HPSE2: variants seen among roughly 807,000 people sequenced by gnomAD.
The protein encoded by HPSE2 is inactive heparanase-2.
In HPSE2, 38 loss-of-function variants were observed where a neutral mutation model predicts 60.5. The ratio of observed to expected loss-of-function variants is 0.63; its 90% CI spans 0.48 to 0.82. HPSE2 has a LOEUF of 0.82. HPSE2 is among the 40% of genes least tolerant of loss of function. HPSE2 has a pLI of 0.00. For missense variants in HPSE2, 713 were observed against 740.4 expected, an observed-to-expected ratio of 0.96 and a Z score of 0.43; for synonymous variants, 295 against 293.2, an observed-to-expected ratio of 1.01 and a Z score of -0.06.
intron 3 of HPSE2, among the ~76,000 whole-genome samples, chr10:98,972,438 T>C (rs138826760): frequency 6.6e-6 from 1 of 152,302 alleles, no homozygotes; most frequent in Non-Finnish European, 1.5e-5. Flanking sequence ...GGTTGAAATT[T>C]TGTTGAGAAG....
the HPSE2 span, among the ~76,000 whole-genome samples, chr10:99,287,259 G>A: frequency 6.6e-6 from 1 of 152,054 alleles, no homozygotes; most frequent in Admixed American, 6.6e-5. Flanking sequence ...GAGAGAAGCA[G>A]CAGGAATAAA....
chr10:98,950,102 G>A (rs1040279902), intron 3 of HPSE2, among the ~76,000 whole-genome samples: 12 of 151,998 alleles, frequency 7.9e-5, no homozygotes, highest in Non-Finnish European at 1.6e-4. Flanking sequence ...AGTCTCTCAC[G>A]TTGAGCTTCT....
the HPSE2 span, among the ~76,000 whole-genome samples, chr10:99,241,504 C>T: frequency 6.6e-6 from 1 of 152,186 alleles, no homozygotes. Context: ...TCATGCTAAT[C>T]CCAGCACTTT....
intron 3 of HPSE2, among the ~76,000 whole-genome samples, chr10:99,106,582 CTTTG>C (rs1308893553): frequency 2.0e-5 from 3 of 151,238 alleles, no homozygotes; most frequent in Admixed American, 6.6e-5. Context: ...GTTGAATTGA[CTTTG>C]TTAGTAAGTT....
intron 3 of HPSE2, among the ~76,000 whole-genome samples, chr10:98,952,203 C>T (rs1955377182): frequency 6.6e-6 from 1 of 152,120 alleles, no homozygotes. Flanking sequence ...AAGTGAGGTG[C>T]TAAGCAGGTC....
chr10:98,483,194 G>GACAAATA (rs1373179356), intron 10 of HPSE2, among the ~76,000 whole-genome samples: 32 of 152,028 alleles, frequency 2.1e-4, no homozygotes, highest in African/African-American at 7.2e-4. Flanking sequence ...GTATTTTTTA[G>GACAAATA]TTTATTAATT....
the HPSE2 span, among the ~76,000 whole-genome samples, chr10:99,300,705 A>G: frequency 6.6e-6 from 1 of 152,186 alleles, no homozygotes; most frequent in Non-Finnish European, 1.5e-5. Flanking sequence ...TAACACAGAT[A>G]AGAAGACCTC....
chr10:98,904,144 G>A (rs2134991484), intron 3 of HPSE2, among the ~76,000 whole-genome samples: 1 of 152,206 alleles, frequency 6.6e-6, no homozygotes, highest in East Asian at 1.9e-4. Context: ...AATAATCATT[G>A]ATTTGTTAAC....
chr10:98,788,765 C>T lies in HPSE2; in HGVS notation c.611-44709G>A, dbSNP rs550963167. ...GGAAAGGGAACTCCCTGACCCCTTGCGCTTCCCAGGTGAGGCAATGCCTCG... is the reference window on the plus strand; with the variant it reads ...GGAAAGGGAACTCCCTGACCCCTTGTGCTTCCCAGGTGAGGCAATGCCTCG... On this transcript the variant is annotated intron_variant, in intron 3 of 11. Coordinates refer to ENST00000370552, the MANE Select transcript of HPSE2 (RefSeq NM_021828.5). 5.0e-4 allele frequency among the ~76,000 whole-genome samples: 76 copies of T among 151,616 alleles called. 1 individual carries two copies. The highest frequency in any genetic ancestry group is 9.0e-4 in the Non-Finnish European group (61 of 67,896).
chr10:99,245,216 C>T, the HPSE2 span, among the ~76,000 whole-genome samples: 1 of 152,160 alleles, frequency 6.6e-6, no homozygotes, highest in Non-Finnish European at 1.5e-5. Context: ...ATTCTCACCC[C>T]TGGCTGCACA....
chr10:98,917,801 T>C (rs976842215), intron 3 of HPSE2, among the ~76,000 whole-genome samples: 10 of 152,206 alleles, frequency 6.6e-5, no homozygotes, highest in African/African-American at 2.4e-4. Context: ...CAGGAGAAAC[T>C]GGTAGGCATC....
At chr10:98,986,728 A>G (rs1404449041) in intron 3 of HPSE2, among the ~76,000 whole-genome samples, 1 of 151,456 alleles carries the variant, frequency 6.6e-6, no homozygotes, top group Admixed American at 6.6e-5. Flanking sequence ...AAGATCAACA[A>G]AATTGATAGA....
At chr10:98,514,956 T>C (rs980002573) in intron 9 of HPSE2, among the ~76,000 whole-genome samples, 3 of 151,902 alleles carry the variant, frequency 2.0e-5, no homozygotes, top group African/African-American at 7.3e-5. Context: ...GCTCCTGACC[T>C]CAGGCAATCC....
intron 3 of HPSE2, among the ~76,000 whole-genome samples, chr10:98,850,304 T>C (rs372598086): frequency 1.3e-5 from 2 of 152,086 alleles, no homozygotes; most frequent in African/African-American, 2.4e-5. Flanking sequence ...TCTTACATAA[T>C]TGAGAAGTAT....
chr10:98,511,753 C>T (rs1337742158), intron 9 of HPSE2, among the ~76,000 whole-genome samples: 2 of 152,096 alleles, frequency 1.3e-5, no homozygotes, highest in Non-Finnish European at 2.9e-5. Flanking sequence ...AATTAAGATT[C>T]ACCTCCTGAA....
chr10:99,215,328 T>A (rs1388648410), intron 2 of HPSE2, among the ~76,000 whole-genome samples: 4 of 152,218 alleles, frequency 2.6e-5, no homozygotes, highest in African/African-American at 9.6e-5. Context: ...TGGATGAAGC[T>A]GTAAGCCATC....
chr10:98,754,579 T>A (rs1418241611), intron 3 of HPSE2, among the ~76,000 whole-genome samples: 2 of 150,730 alleles, frequency 1.3e-5, no homozygotes, highest in African/African-American at 2.4e-5. Flanking sequence ...AAGGTTGATG[T>A]GAAAAAAAAT....
chr10:98,675,539 TACACACACACACACACACACAC>T (rs774393556), intron 6 of HPSE2, among the ~76,000 whole-genome samples: 3 of 121,594 alleles, frequency 2.5e-5, no homozygotes, highest in South Asian at 5.9e-4. Flanking sequence ...GATCCCTGTC[TACACACACACACACACACACAC>T]ACACACACAC....
chr10:99,165,709 G>A (rs1004325499), intron 2 of HPSE2, among the ~76,000 whole-genome samples: 9 of 151,684 alleles, frequency 5.9e-5, no homozygotes, highest in South Asian at 2.1e-4. Flanking sequence ...ACCATGCCCC[G>A]CTAATTTTTG....
Sources: allele counts gnomAD v4.1 joint callset (sites outside exome capture counted in the v4.1 genomes callset), GRCh38; gene constraint gnomAD v4.1.1; transcripts MANE v1.5; gene names NCBI Gene and HGNC (gene_info 2026-07-23, HGNC 2026-07-21).